The following DOCK2 variants were observed in gnomAD, a reference collection of about 807,000 sequenced individuals.
DOCK2 encodes the protein dedicator of cytokinesis protein 2.
A neutral mutation model predicts 248.9 loss-of-function variants in DOCK2; 87 were observed. The observed-to-expected ratio is 0.35, with a 90% CI of 0.29 to 0.42. The LOEUF (loss-of-function observed/expected upper bound fraction) is 0.42, where lower values mean the gene tolerates loss of function less well. Among genes scored for constraint, DOCK2 ranks in the 10% least tolerant of loss-of-function variants. DOCK2 has a pLI of 1.00. For missense variants in DOCK2, 1,747 were observed against 2,300.2 expected (o/e 0.76, Z 4.92); for synonymous variants, 805 against 821.6 (o/e 0.98, Z 0.35).
At chr5:169,793,112 G>A (rs1206145650) in intron 25 of DOCK2, among the ~76,000 whole-genome samples, 1 of 152,178 alleles carries the variant, frequency 6.6e-6, no homozygotes, top group Non-Finnish European at 1.5e-5. Flanking sequence ...TTACTTGCCA[G>A]TTGAGGCCAG....
chr5:169,791,546 C>G (rs180765005), intron 25 of DOCK2, among the ~76,000 whole-genome samples: 75 of 152,302 alleles, frequency 4.9e-4, no homozygotes, highest in Admixed American at 1.6e-3. Flanking sequence ...TTAAGGCCAA[C>G]TTAAGGGAGT....
intron 46 of DOCK2, among the ~76,000 whole-genome samples, chr5:170,070,295 G>A (rs1757638888): frequency 6.6e-6 from 1 of 152,264 alleles, no homozygotes; most frequent in Non-Finnish European, 1.5e-5. Context: ...GTGGTTGGGA[G>A]TTTTTGTTAC....
At chr5:169,697,140 G>T (rs117027568) in intron 10 of DOCK2, among the ~76,000 whole-genome samples, 358 of 152,282 alleles carry the variant, frequency 2.4e-3, no homozygotes, top group East Asian at 0.016. Context: ...AGAAGGAAAA[G>T]AAAAGGTACT....
At chr5:169,845,861 A>C (rs1041967583) in intron 27 of DOCK2, among the ~76,000 whole-genome samples, 2 of 152,226 alleles carry the variant, frequency 1.3e-5, no homozygotes, top group Admixed American at 1.3e-4. Context: ...AGAAGGAAGC[A>C]ACAAACAGGG....
At chr5:169,741,479 T>G (rs913038104) in intron 22 of DOCK2, among the ~76,000 whole-genome samples, 2 of 152,214 alleles carry the variant, frequency 1.3e-5, no homozygotes, top group Admixed American at 6.5e-5. Flanking sequence ...CATCACTCCT[T>G]GACTCTTGTC....
chr5:169,699,505 G>A (rs770783069), intron 12 of DOCK2, 47 bp downstream of exon 12: 2 of 1,566,950 alleles, frequency 1.3e-6, no homozygotes, highest in South Asian at 1.1e-5. Flanking sequence ...CAGCTTGGGA[G>A]CCCCTAACTC....
chr5:169,927,273 A>G lies in DOCK2; in HGVS notation c.2800-55795A>G, dbSNP rs372965203. 3.3e-4 allele frequency among the ~76,000 whole-genome samples: 51 copies of G among 152,320 alleles called. 1 individual carries two copies. Among genetic ancestry groups the G allele is most frequent in the South Asian group, 2.1e-3 (10 of 4,824 alleles). On this transcript the variant is annotated intron_variant, in intron 27 of 51. Coordinates refer to ENST00000520908, the MANE Select transcript of DOCK2 (RefSeq NM_004946.3). ...AGAGGTAGAAGCAGCCAGATCCTCT[A>G]GAGCCTTGTAGGCCACAGTAAGGGG...
chr5:169,698,844 C>T (rs1760789907), intron 11 of DOCK2, among the ~76,000 whole-genome samples: 1 of 152,198 alleles, frequency 6.6e-6, no homozygotes, highest in Non-Finnish European at 1.5e-5. Flanking sequence ...TGTGAAGCAG[C>T]AGCATTTCAG....
intron 14 of DOCK2, among the ~76,000 whole-genome samples, chr5:169,706,243 GAT>G (rs1561620038): frequency 6.6e-6 from 1 of 152,206 alleles, no homozygotes; most frequent in Non-Finnish European, 1.5e-5. Flanking sequence ...TTTCACCAGA[GAT>G]ATATGTGTAG....
intron 23 of DOCK2, among the ~76,000 whole-genome samples, chr5:169,758,197 A>G (rs1394261392): frequency 1.3e-5 from 2 of 152,230 alleles, no homozygotes; most frequent in African/African-American, 4.8e-5. Context: ...AATCCACTCT[A>G]TGAGAAGGCA....
intron 30 of DOCK2, among the ~76,000 whole-genome samples, chr5:169,996,846 G>T (rs187192115): frequency 1.8e-4 from 28 of 152,314 alleles, no homozygotes; most frequent in Admixed American, 1.4e-3. Context: ...CTGAGCTCAT[G>T]AACTGGAATG....
chr5:169,994,251 G>A (rs960441973), intron 29 of DOCK2, among the ~76,000 whole-genome samples: 1 of 152,190 alleles, frequency 6.6e-6, no homozygotes, highest in African/African-American at 2.4e-5. Context: ...AAGTCATGTG[G>A]ACTGGGGAGT....
At chr5:169,823,838 T>A (rs1184331758) in intron 26 of DOCK2, among the ~76,000 whole-genome samples, 2 of 152,214 alleles carry the variant, frequency 1.3e-5, no homozygotes, top group Non-Finnish European at 2.9e-5. Flanking sequence ...ATTGTCCCTG[T>A]TTGCAGATGA....
intron 27 of DOCK2, among the ~76,000 whole-genome samples, chr5:169,939,236 T>C (rs1776132284): frequency 1.3e-5 from 2 of 150,944 alleles, no homozygotes; most frequent in South Asian, 4.5e-4. Context: ...TAAGCTCTTT[T>C]GTTAAAAACT....
intron 44 of DOCK2, among the ~76,000 whole-genome samples, chr5:170,059,311 T>G (rs1435602426): frequency 3.3e-5 from 5 of 152,106 alleles, no homozygotes; most frequent in Non-Finnish European, 5.9e-5. Flanking sequence ...TTAATTCTCA[T>G]AGACCCCAGT....
At chr5:169,655,453 T>A (rs542937472) in intron 2 of DOCK2, among the ~76,000 whole-genome samples, 1 of 152,044 alleles carries the variant, frequency 6.6e-6, no homozygotes, top group South Asian at 2.1e-4. Flanking sequence ...TGTGAAGGAG[T>A]CCTTTCATGG....
At chr5:170,055,238 G>A in intron 41 of DOCK2, 67 bp from the exon 42 acceptor site, 1 of 1,509,226 alleles carries the variant, frequency 6.6e-7, no homozygotes, top group East Asian at 2.3e-5. Context: ...GTCTCAGCAA[G>A]GACCAGCTAT....
chr5:170,037,924 C>T (rs943173943), intron 36 of DOCK2, among the ~76,000 whole-genome samples: 2 of 152,214 alleles, frequency 1.3e-5, no homozygotes, highest in African/African-American at 4.8e-5. Context: ...GCAGAAACTT[C>T]AAGTCTACGC....
intron 18 of DOCK2, 35 bp downstream of exon 18, chr5:169,714,246 G>T (rs554334269): frequency 1.9e-6 from 3 of 1,601,178 alleles, no homozygotes; most frequent in South Asian, 2.2e-5. Flanking sequence ...TCTGTGGGGA[G>T]TGTGTGTGTC....
Sources: allele counts gnomAD v4.1 joint callset (sites outside exome capture counted in the v4.1 genomes callset), GRCh38; gene constraint gnomAD v4.1.1; transcripts MANE v1.5; gene names NCBI Gene and HGNC (gene_info 2026-07-23, HGNC 2026-07-21).